SOX6: variants seen among roughly 807,000 people sequenced by gnomAD.
The protein encoded by SOX6 is SRY-box transcription factor 6.
A neutral mutation model predicts 97.8 loss-of-function variants in SOX6; 11 were observed. The observed-to-expected ratio is 0.11, with a 90% CI of 0.07 to 0.19. SOX6 has a LOEUF of 0.19. Among genes scored for constraint, SOX6 ranks in the 10% least tolerant of loss-of-function variants. The pLI is 1.00. For synonymous variants in SOX6, 360 were observed against 371.4 expected (o/e 0.97, Z 0.35); for missense variants, 810 against 1,039.5 (o/e 0.78, Z 3.04).
Position 16,629,564 on chromosome 11 carries a change from T to C in SOX6, n.430-17304A>G, listed in dbSNP as rs114274319. Among the ~76,000 whole-genome samples, 1,150 of 152,284 alleles carry C rather than the reference T, an allele frequency of 7.6e-3. 10 individuals carry two copies. The highest frequency in any genetic ancestry group is 0.027 in the African/African-American group (1,114 of 41,548). On this transcript the variant is annotated intron_variant and non_coding_transcript_variant, in intron 3 of 5. Transcript: ENST00000524520. ...ATTGGCTCATTGTTTTATTTTTTCA[T>C]TGTGACTTTGCCAGGTTTGGGTATC...
At chr11:16,662,969 G>A (rs534274978) in intron 3 of SOX6, among the ~76,000 whole-genome samples, 3 of 151,542 alleles carry the variant, frequency 2.0e-5, no homozygotes, top group Non-Finnish European at 4.4e-5. Context: ...GGGATTATAC[G>A]TGTAAGCCAC....
chr11:16,386,905 T>C (rs1858004017), intron 1 of SOX6, among the ~76,000 whole-genome samples: 1 of 152,192 alleles, frequency 6.6e-6, no homozygotes, highest in African/African-American at 2.4e-5. Flanking sequence ...CCATATATAC[T>C]TGGTACTCAA....
At chr11:16,628,865 C>T (rs1161955107) in intron 3 of SOX6, among the ~76,000 whole-genome samples, 1 of 151,772 alleles carries the variant, frequency 6.6e-6, no homozygotes, top group Non-Finnish European at 1.5e-5. Flanking sequence ...CTAGATATTT[C>T]CTGGATATGA....
intron 6 of SOX6, among the ~76,000 whole-genome samples, chr11:16,118,693 A>G (rs752738876): frequency 6.6e-6 from 1 of 152,228 alleles, no homozygotes; most frequent in Non-Finnish European, 1.5e-5. Flanking sequence ...AGACCTGGCT[A>G]TGTGCTAATA....
chr11:16,560,760 C>T (rs1271742645), intron 4 of SOX6, among the ~76,000 whole-genome samples: 1 of 152,082 alleles, frequency 6.6e-6, no homozygotes, highest in Non-Finnish European at 1.5e-5. Context: ...CTACCTACAA[C>T]ACAAACTGGA....
At chr11:16,662,652 CA>C (rs574195834) in intron 3 of SOX6, among the ~76,000 whole-genome samples, 5 of 151,182 alleles carry the variant, frequency 3.3e-5, no homozygotes, top group African/African-American at 9.7e-5. Flanking sequence ...TTAATAAATG[CA>C]AAAAAAAGCA....
chr11:16,638,710 A>C (rs1190101844), intron 3 of SOX6, among the ~76,000 whole-genome samples: 3 of 152,186 alleles, frequency 2.0e-5, no homozygotes, highest in Admixed American at 6.5e-5. Context: ...GGCTGCATAA[A>C]TGTCTTCTTT....
chr11:16,204,095 T>G (rs1852008941), intron 4 of SOX6, among the ~76,000 whole-genome samples: 1 of 151,902 alleles, frequency 6.6e-6, no homozygotes, highest in African/African-American at 2.4e-5. Flanking sequence ...ACACAAGAGA[T>G]ACATACAATT....
chr11:16,084,441 A>T (rs7105445), intron 9 of SOX6, among the ~76,000 whole-genome samples: 2 of 151,960 alleles, frequency 1.3e-5, no homozygotes, highest in African/African-American at 4.8e-5. Context: ...CAAGCAGAAG[A>T]GTATGGACAA....
exon 3 of SOX6, chr11:16,714,830 C>T (rs971671309): frequency 6.6e-6 from 1 of 152,078 alleles, no homozygotes; most frequent in Non-Finnish European, 1.5e-5. Context: ...TGCAAATTAC[C>T]TCAGTATATA....
intron 12 of SOX6, among the ~76,000 whole-genome samples, chr11:16,039,002 T>C (rs1314914049): frequency 6.6e-6 from 1 of 152,148 alleles, no homozygotes; most frequent in Non-Finnish European, 1.5e-5. Context: ...GTAGAAATAC[T>C]GTGGCTGTTG....
At chr11:15,978,998 A>T (rs1330557143) in intron 15 of SOX6, among the ~76,000 whole-genome samples, 17 of 63,676 alleles carry the variant, frequency 2.7e-4, no homozygotes, top group Admixed American at 1.0e-3. Flanking sequence ...GCATATATAC[A>T]TGCTTATTTT....
chr11:16,073,426 C>G (rs773394187), intron 9 of SOX6, among the ~76,000 whole-genome samples: 1 of 152,180 alleles, frequency 6.6e-6, no homozygotes, highest in Non-Finnish European at 1.5e-5. Context: ...GCACCCAACA[C>G]AGGAAAACTC....
At chr11:16,521,861 C>A (rs541048301) in intron 4 of SOX6, among the ~76,000 whole-genome samples, 56 of 152,150 alleles carry the variant, frequency 3.7e-4, no homozygotes, top group African/African-American at 1.2e-3. Flanking sequence ...ATGTGATCAA[C>A]TGGAAGAAAG....
intron 7 of SOX6, 108 bp from the exon 8 acceptor site, chr11:16,097,796 G>T: frequency 9.7e-7 from 1 of 1,025,664 alleles, no homozygotes; most frequent in Non-Finnish European, 1.5e-6. Flanking sequence ...ATTGCTCTAA[G>T]CCCAAACATC....
At chr11:16,368,110 A>G (rs971944989) in intron 1 of SOX6, among the ~76,000 whole-genome samples, 1 of 152,144 alleles carries the variant, frequency 6.6e-6, no homozygotes, top group African/African-American at 2.4e-5. Context: ...ATTGGCCACG[A>G]AATAATTCTT....
chr11:16,437,281 T>TA (rs1185895638), intron 1 of SOX6, among the ~76,000 whole-genome samples: 125 of 150,466 alleles, frequency 8.3e-4, no homozygotes, highest in East Asian at 1.6e-3. Flanking sequence ...TTTTTTTTTT[T>TA]TAAAAAAAAG....
intron 4 of SOX6, among the ~76,000 whole-genome samples, chr11:16,574,983 T>C (rs1007059497): frequency 6.7e-5 from 10 of 148,700 alleles, no homozygotes; most frequent in African/African-American, 2.5e-4. Context: ...GAGGTTGCAG[T>C]GAGCTGAGAT....
intron 4 of SOX6, among the ~76,000 whole-genome samples, chr11:16,508,194 A>G (rs1032384392): frequency 2.0e-5 from 3 of 152,236 alleles, no homozygotes; most frequent in African/African-American, 7.2e-5. Context: ...TCACAATGAA[A>G]TATCATCTTA....
Sources: gnomAD v4.1 joint callset for allele counts (sites outside exome capture counted in the v4.1 genomes callset) on GRCh38, gnomAD v4.1.1 for gene constraint, MANE v1.5 for transcripts, NCBI Gene and HGNC (gene_info 2026-07-23, HGNC 2026-07-21) for gene names.